LDB2: variants seen among roughly 807,000 people sequenced by gnomAD.
LDB2 encodes the protein LIM domain binding 2.
LDB2 carries 12 observed loss-of-function variants against 44.3 expected under a neutral mutation model. The observed-to-expected ratio is 0.27, with a 90% CI of 0.17 to 0.44. The LOEUF (loss-of-function observed/expected upper bound fraction) is 0.44. LDB2 is among the 20% of genes least tolerant of loss of function. The probability of loss-of-function intolerance (pLI) is 1.00; values close to 1 mark genes in which losing one functional copy is unlikely to be tolerated. For missense variants in LDB2, 344 were observed against 473.5 expected, an observed-to-expected ratio of 0.73 and a Z score of 2.54; for synonymous variants, 164 against 174.8, an observed-to-expected ratio of 0.94 and a Z score of 0.49.
At chr4:16,632,172 C>T (rs932334989) in intron 2 of LDB2, among the ~76,000 whole-genome samples, 1 of 152,148 alleles carries the variant, frequency 6.6e-6, no homozygotes, top group Admixed American at 6.5e-5. Context: ...AACATCAATG[C>T]AAAAATCCTC....
intron 2 of LDB2, among the ~76,000 whole-genome samples, chr4:16,629,188 G>T (rs911285992): frequency 6.6e-6 from 1 of 152,178 alleles, no homozygotes; most frequent in Non-Finnish European, 1.5e-5. Context: ...TCCACCTCTG[G>T]GGGCAGGGCA....
At chr4:16,759,749 C>T (rs1166191737) in intron 1 of LDB2, among the ~76,000 whole-genome samples, 1 of 152,052 alleles carries the variant, frequency 6.6e-6, no homozygotes, top group Non-Finnish European at 1.5e-5. Context: ...ATAAAAGATA[C>T]AGGTACAGAT....
chr4:16,885,446 G>C (rs907283096), intron 1 of LDB2, among the ~76,000 whole-genome samples: 1 of 152,200 alleles, frequency 6.6e-6, no homozygotes, highest in Non-Finnish European at 1.5e-5. Context: ...ACAAATATGA[G>C]CAAGATAGTG....
In LDB2 at chr4:16,799,774, A is replaced by G. The variant is rs544855193; in HGVS notation, c.133-40514T>C. Among the ~76,000 whole-genome samples, 20 of 152,368 alleles carry G rather than the reference A, an allele frequency of 1.3e-4. No individual in the cohort carries two copies. The East Asian group carries it at 3.9e-3, about 29-fold the overall frequency. On this transcript the variant is annotated intron_variant, in intron 1 of 7. Transcript: ENST00000304523. ...ATAGTTAGGGTTTACCAGATGAAAT[A>G]CAGGATGCTCAGTTAAATTGGAATT...
At chr4:16,505,720 T>C in intron 7 of LDB2, 1 of 879,392 alleles carries the variant, frequency 1.1e-6, no homozygotes, top group Non-Finnish European at 1.7e-6. Context: ...CTGAGAGAGG[T>C]CCATATGCCC....
chr4:16,797,889 G>A (rs1209817988), intron 1 of LDB2, among the ~76,000 whole-genome samples: 3 of 151,800 alleles, frequency 2.0e-5, no homozygotes, highest in Non-Finnish European at 4.4e-5. Context: ...ACAAAAATTA[G>A]CCAGGCATGG....
In LDB2 at chr4:16,716,522, G is replaced by C. The variant is rs187423226; in HGVS notation, c.235+42636C>G. The stretch of plus-strand genomic sequence containing the variant: ...GAAGTAGCAATGCTTTAGTATATGA[G>C]GCCTTAGGGAATAAAATAAACTTTC... On this transcript the variant is annotated intron_variant, in intron 2 of 7. Transcript: ENST00000304523. 3.2e-3 allele frequency among the ~76,000 whole-genome samples: 481 copies of C among 152,260 alleles called. 1 individual carries two copies. The highest frequency in any genetic ancestry group is 0.011 in the African/African-American group (459 of 41,562).
chr4:16,823,495 A>G (rs911169836), intron 1 of LDB2, among the ~76,000 whole-genome samples: 3 of 151,494 alleles, frequency 2.0e-5, no homozygotes, highest in Non-Finnish European at 4.4e-5. Flanking sequence ...TTTTAAGTAC[A>G]TTTTTTTTTA....
At chr4:16,763,420 C>A (rs906270463) in intron 1 of LDB2, among the ~76,000 whole-genome samples, 8 of 116,456 alleles carry the variant, frequency 6.9e-5, no homozygotes, top group Admixed American at 2.7e-4. Context: ...TTTTCAATCT[C>A]CCCCCATATG....
At chr4:16,681,244 G>A (rs1747763885) in intron 2 of LDB2, among the ~76,000 whole-genome samples, 3 of 152,218 alleles carry the variant, frequency 2.0e-5, no homozygotes. Flanking sequence ...TTCCCTGACT[G>A]GATAAAGGGG....
chr4:16,649,806 A>G (rs1475216008), intron 2 of LDB2, among the ~76,000 whole-genome samples: 1 of 152,194 alleles, frequency 6.6e-6, no homozygotes, highest in African/African-American at 2.4e-5. Flanking sequence ...AAACACTGAA[A>G]ACTAAACTGA....
intron 2 of LDB2, among the ~76,000 whole-genome samples, chr4:16,607,362 G>C (rs1008697873): frequency 6.6e-6 from 1 of 152,194 alleles, no homozygotes; most frequent in African/African-American, 2.4e-5. Flanking sequence ...TCAAGCTCCA[G>C]AACCATCCTC....
chr4:16,781,575 T>C (rs1773243122), intron 1 of LDB2, among the ~76,000 whole-genome samples: 1 of 152,130 alleles, frequency 6.6e-6, no homozygotes. Flanking sequence ...CCTCATACTC[T>C]GATGCACCCA....
At chr4:16,830,444 G>A (rs965726120) in intron 1 of LDB2, among the ~76,000 whole-genome samples, 2 of 152,190 alleles carry the variant, frequency 1.3e-5, no homozygotes, top group Admixed American at 1.3e-4. Context: ...AGAACTGTGA[G>A]TCAATTAAAC....
At chr4:16,734,076 TA>T in intron 2 of LDB2, among the ~76,000 whole-genome samples, 1 of 152,256 alleles carries the variant, frequency 6.6e-6, no homozygotes, top group East Asian at 1.9e-4. Context: ...TCTCATCTGA[TA>T]AATAAGAATA....
intron 1 of LDB2, 111 bp from the exon 2 acceptor site, chr4:16,759,371 C>T (rs1767386627): frequency 2.6e-6 from 2 of 778,852 alleles, no homozygotes; most frequent in Non-Finnish European, 2.2e-6. Context: ...CATTACTTCG[C>T]GTATGTGTGT....
intron 5 of LDB2, among the ~76,000 whole-genome samples, chr4:16,572,225 T>G (rs1013799644): frequency 1.3e-5 from 2 of 151,790 alleles, no homozygotes; most frequent in Admixed American, 1.3e-4. Flanking sequence ...TGATATACTG[T>G]TTTTTTTGTT....
chr4:16,853,656 C>T (rs1788735554), intron 1 of LDB2, among the ~76,000 whole-genome samples: 1 of 152,116 alleles, frequency 6.6e-6, no homozygotes, highest in African/African-American at 2.4e-5. Flanking sequence ...AAATCACTAC[C>T]TAATAAAAAT....
intron 1 of LDB2, 189 bp from the exon 2 acceptor site, chr4:16,759,449 T>C: frequency 1.8e-6 from 1 of 559,750 alleles, no homozygotes; most frequent in South Asian, 2.5e-5. Flanking sequence ...GGAACCAAAT[T>C]CCAATTCAAT....
Sources: gnomAD v4.1 joint callset for allele counts (sites outside exome capture counted in the v4.1 genomes callset) on GRCh38, gnomAD v4.1.1 for gene constraint, MANE v1.5 for transcripts, NCBI Gene and HGNC (gene_info 2026-07-23, HGNC 2026-07-21) for gene names.